The following DRC9 variants were observed in gnomAD, a reference collection of about 807,000 sequenced individuals.
The protein encoded by DRC9 is dynein regulatory complex subunit 9.
At chr3:197,942,463 TTTAATGGAAAA>T in the DRC9 span, among the ~76,000 whole-genome samples, 1 of 150,560 alleles carries the variant, frequency 6.6e-6, no homozygotes, top group Non-Finnish European at 1.5e-5. Context: ...AATTTGAAAT[TTTAATGGAAAA>T]TTAAAGGGAA....
chr3:197,913,751 A>C, the DRC9 span: 2 of 965,868 alleles, frequency 2.1e-6, no homozygotes, highest in Non-Finnish European at 3.4e-6. Context: ...TTTCAACCTC[A>C]AGTGGAGGGG....
At chr3:197,891,460 T>G in the DRC9 span, 1 of 1,585,468 alleles carries the variant, frequency 6.3e-7, no homozygotes, top group South Asian at 1.1e-5. Context: ...ATAACGCTCT[T>G]TAATTCCAAG....
chr3:197,918,570 T>C, the DRC9 span, among the ~76,000 whole-genome samples: 27 of 152,314 alleles, frequency 1.8e-4, no homozygotes, highest in East Asian at 3.1e-3. Flanking sequence ...TCAGCCCACA[T>C]TGATAACTGT....
chr3:197,953,980 CTT>C, the DRC9 span: 21 of 1,611,752 alleles, frequency 1.3e-5, no homozygotes, highest in Admixed American at 1.0e-4. Context: ...TTGTATTCCT[CTT>C]CTTTCCCTTT....
chr3:197,906,015 T>A, the DRC9 span, among the ~76,000 whole-genome samples: 1 of 145,614 alleles, frequency 6.9e-6, no homozygotes, highest in Non-Finnish European at 1.5e-5. Context: ...TCACAGTTGA[T>A]GATTAAAAAA....
At chr3:197,946,169 C>T in the DRC9 span, among the ~76,000 whole-genome samples, 2 of 152,194 alleles carry the variant, frequency 1.3e-5, no homozygotes, top group African/African-American at 4.8e-5. Flanking sequence ...GGCGCGGGGG[C>T]TCACGCCTGT....
the DRC9 span, chr3:197,932,230 C>G: frequency 6.2e-7 from 1 of 1,613,316 alleles, no homozygotes; most frequent in African/African-American, 1.3e-5. Context: ...TCAAAGCTTG[C>G]AGGAGACTGT....
At chr3:197,953,748 T>C in the DRC9 span, 1 of 562,938 alleles carries the variant, frequency 1.8e-6, no homozygotes, top group Non-Finnish European at 3.2e-6. Context: ...TCATCTGACC[T>C]ATGTATTTTC....
At chr3:197,945,555 A>C in the DRC9 span, 1 of 1,093,596 alleles carries the variant, frequency 9.1e-7, no homozygotes, top group East Asian at 2.4e-5. Context: ...AGGTATACAC[A>C]GAAATTTAAC....
the DRC9 span, among the ~76,000 whole-genome samples, chr3:197,904,677 A>G: frequency 6.6e-6 from 1 of 151,992 alleles, no homozygotes; most frequent in African/African-American, 2.4e-5. Context: ...CCTGGCCAAT[A>G]TGGAGAAACC....
chr3:197,904,345 G>A, the DRC9 span, among the ~76,000 whole-genome samples: 1 of 151,856 alleles, frequency 6.6e-6, no homozygotes, highest in Admixed American at 6.6e-5. Context: ...ATTGGTTGGT[G>A]GAAATGTAAA....
the DRC9 span, among the ~76,000 whole-genome samples, chr3:197,904,045 TATACATACATATATATATATACATAC>T: frequency 2.1e-3 from 211 of 102,768 alleles, no homozygotes; most frequent in African/African-American, 9.5e-3. Flanking sequence ...CATACATATA[TATACATACATATATATATATACATAC>T]ATATATATAT....
chr3:197,930,929 G>A, the DRC9 span, among the ~76,000 whole-genome samples: 3 of 151,784 alleles, frequency 2.0e-5, no homozygotes, highest in East Asian at 5.8e-4. Flanking sequence ...AGCTACTAGG[G>A]AGGTGGAGGC....
At chr3:197,921,146 C>T in the DRC9 span, among the ~76,000 whole-genome samples, 6 of 129,688 alleles carry the variant, frequency 4.6e-5, no homozygotes, top group East Asian at 4.4e-4. Context: ...TCAGTAACTC[C>T]GGGGATGTAA....
At chr3:197,950,482 A>G in the DRC9 span, 2 of 397,768 alleles carry the variant, frequency 5.0e-6, no homozygotes, top group African/African-American at 4.2e-5. Flanking sequence ...GTTCGTGTGC[A>G]GTTGTCCATG....
the DRC9 span, chr3:197,913,515 T>C: frequency 2.6e-6 from 1 of 387,344 alleles, no homozygotes; most frequent in Non-Finnish European, 4.8e-6. Context: ...TGAAAGGTAC[T>C]GGTTAGATGA....
chr3:197,955,155 A>AG, the DRC9 span, among the ~76,000 whole-genome samples: 12 of 152,304 alleles, frequency 7.9e-5, no homozygotes, highest in African/African-American at 2.4e-4. Context: ...TCTTGGGGCC[A>AG]GGGGGTACTG....
the DRC9 span, chr3:197,926,219 C>A: frequency 1.5e-6 from 1 of 656,250 alleles, no homozygotes. Context: ...CCCAGAGAAT[C>A]TGACTCAGCA....
At chr3:197,940,469 A>G in the DRC9 span, among the ~76,000 whole-genome samples, 1 of 152,152 alleles carries the variant, frequency 6.6e-6, no homozygotes. Flanking sequence ...AACCACGTAT[A>G]TTAATATATT....
Sources: gnomAD v4.1 joint callset for allele counts (sites outside exome capture counted in the v4.1 genomes callset) on GRCh38, gnomAD v4.1.1 for gene constraint, MANE v1.5 for transcripts, NCBI Gene and HGNC (gene_info 2026-07-23, HGNC 2026-07-21) for gene names.